Variants in SORCS3 observed in about 807,000 individuals in gnomAD.
SORCS3 encodes the protein VPS10 domain-containing receptor SorCS3.
A neutral mutation model predicts 146.3 loss-of-function variants in SORCS3; 57 were observed. The observed-to-expected ratio is 0.39, with a 90% CI of 0.31 to 0.49. SORCS3 has a LOEUF of 0.49. Ranked by LOEUF, SORCS3 falls within the 20% of genes least tolerant of loss-of-function variation. SORCS3 has a pLI of 0.92. For synonymous variants in SORCS3, 653 were observed against 618.5 expected (o/e 1.06, Z -0.83); for missense variants, 1,341 against 1,575.5 (o/e 0.85, Z 2.52).
chr10:105,161,236 C>T (rs2119509008), intron 11 of SORCS3, among the ~76,000 whole-genome samples: 1 of 152,296 alleles, frequency 6.6e-6, no homozygotes, highest in Admixed American at 6.5e-5. Context: ...AAAGCCAGGG[C>T]TAAGTCACTG....
chr10:105,163,427 A>G (rs1268083818), intron 11 of SORCS3, among the ~76,000 whole-genome samples: 2 of 152,188 alleles, frequency 1.3e-5, no homozygotes, highest in East Asian at 1.9e-4. Flanking sequence ...TCAAGTGCAC[A>G]TCAACATTGG....
intron 1 of SORCS3, among the ~76,000 whole-genome samples, chr10:104,840,154 T>C (rs2018121221): frequency 6.6e-6 from 1 of 152,176 alleles, no homozygotes; most frequent in South Asian, 2.1e-4. Context: ...TCAATTATGC[T>C]TCCTGCAGGT....
chr10:104,781,964 G>A (rs2133492779), intron 1 of SORCS3, among the ~76,000 whole-genome samples: 1 of 152,338 alleles, frequency 6.6e-6, no homozygotes, highest in African/African-American at 2.4e-5. Flanking sequence ...GAGCTTTACA[G>A]CTTTACACAC....
At chr10:104,745,537 G>A (rs1565422) in intron 1 of SORCS3, among the ~76,000 whole-genome samples, 121,532 of 152,122 alleles carry the variant, frequency 0.8, 48,795 homozygotes, top group East Asian at 0.94. Flanking sequence ...GCACCTCCGA[G>A]AGTTTCCTCC....
At chr10:105,043,207 G>A in intron 5 of SORCS3, 79 bp downstream of exon 5, 2 of 1,279,766 alleles carry the variant, frequency 1.6e-6, no homozygotes, top group East Asian at 2.3e-5. Context: ...GCTCTGGACA[G>A]TTGCAGTTCT....
intron 25 of SORCS3, among the ~76,000 whole-genome samples, chr10:105,259,825 A>T (rs2056950659): frequency 6.6e-6 from 1 of 152,172 alleles, no homozygotes; most frequent in Non-Finnish European, 1.5e-5. Flanking sequence ...GGATAAATAG[A>T]TACAAACTGC....
chr10:104,645,132 T>C (rs1263460362), intron 1 of SORCS3, among the ~76,000 whole-genome samples: 1 of 152,156 alleles, frequency 6.6e-6, no homozygotes, highest in Non-Finnish European at 1.5e-5. Context: ...CTCTTGACCA[T>C]GTTGCCTGCC....
chr10:104,642,756 C>T (rs1193335799), intron 1 of SORCS3, among the ~76,000 whole-genome samples: 1 of 152,248 alleles, frequency 6.6e-6, no homozygotes, highest in East Asian at 1.9e-4. Flanking sequence ...AAACGGCTCC[C>T]TGAGCGGAGT....
intron 1 of SORCS3, among the ~76,000 whole-genome samples, chr10:104,648,034 A>G (rs1055197653): frequency 6.6e-6 from 1 of 152,238 alleles, no homozygotes; most frequent in African/African-American, 2.4e-5. Flanking sequence ...TCCTGCCGAC[A>G]TGCTTTGGAT....
intron 5 of SORCS3, among the ~76,000 whole-genome samples, chr10:105,057,774 G>T (rs1274225746): frequency 6.6e-6 from 1 of 152,288 alleles, no homozygotes; most frequent in East Asian, 1.9e-4. Context: ...TCAGTGTATT[G>T]CTTGTCAAAG....
intron 20 of SORCS3, among the ~76,000 whole-genome samples, chr10:105,228,093 T>C (rs2056744747): frequency 6.6e-6 from 1 of 151,660 alleles, no homozygotes; most frequent in Admixed American, 6.6e-5. Flanking sequence ...TTAATTTGCT[T>C]ACTTTCAAAG....
At position 104,646,249 on chromosome 10, in the gene SORCS3, C is replaced by A. The variant is rs550431550; in HGVS notation, c.627+4295C>A. Among the ~76,000 whole-genome samples the A allele has an allele frequency of 9.2e-5, 14 of 152,254 alleles. No individual in the cohort carries two copies. In the South Asian group the frequency reaches 2.9e-3, roughly 32 times the overall value. On this transcript the variant is annotated intron_variant, in intron 1 of 26. Coordinates refer to ENST00000369701, the MANE Select transcript of SORCS3 (RefSeq NM_014978.3). Reference sequence around the variant, plus strand: ...ATCCTTCAGTGATTTCCAAGGTGAGCAGAAGTTGCAGATTCCTTAATTGGG... The same window carrying A: ...ATCCTTCAGTGATTTCCAAGGTGAGAAGAAGTTGCAGATTCCTTAATTGGG...
intron 14 of SORCS3, among the ~76,000 whole-genome samples, chr10:105,185,159 T>C (rs1168317810): frequency 2.0e-5 from 3 of 152,172 alleles, no homozygotes; most frequent in Non-Finnish European, 4.4e-5. Context: ...GTTAAAAAAA[T>C]AAAATAAAAA....
At chr10:105,088,096 T>C (rs922525687) in intron 5 of SORCS3, among the ~76,000 whole-genome samples, 2 of 152,152 alleles carry the variant, frequency 1.3e-5, no homozygotes, top group Non-Finnish European at 2.9e-5. Flanking sequence ...GAGAGTTCAC[T>C]AGGGAAGGAG....
At chr10:104,792,235 C>A (rs1010215223) in intron 1 of SORCS3, among the ~76,000 whole-genome samples, 1 of 152,152 alleles carries the variant, frequency 6.6e-6, no homozygotes, top group African/African-American at 2.4e-5. Flanking sequence ...AGTTATCTGA[C>A]AAACTCCTAC....
intron 3 of SORCS3, among the ~76,000 whole-genome samples, chr10:104,918,182 C>T (rs2019051994): frequency 6.6e-6 from 1 of 152,136 alleles, no homozygotes; most frequent in South Asian, 2.1e-4. Flanking sequence ...ATGCCTATGC[C>T]ACAAAAATTT....
At chr10:105,166,938 C>T (rs771538358) in intron 12 of SORCS3, among the ~76,000 whole-genome samples, 4 of 152,114 alleles carry the variant, frequency 2.6e-5, no homozygotes, top group Non-Finnish European at 2.9e-5. Context: ...GAAGTTTCTT[C>T]AAAGTCATAC....
intron 1 of SORCS3, among the ~76,000 whole-genome samples, chr10:104,656,966 G>A (rs953828190): frequency 1.3e-5 from 2 of 152,164 alleles, no homozygotes; most frequent in Non-Finnish European, 2.9e-5. Context: ...TGGGACCTTT[G>A]CAGTGCCCTC....
intron 17 of SORCS3, among the ~76,000 whole-genome samples, chr10:105,211,565 C>A (rs1045522884): frequency 1.3e-5 from 2 of 152,122 alleles, no homozygotes; most frequent in African/African-American, 4.8e-5. Context: ...GAATTAAATT[C>A]ATACAAGTGA....
Sources: allele counts gnomAD v4.1 joint callset (sites outside exome capture counted in the v4.1 genomes callset), GRCh38; gene constraint gnomAD v4.1.1; transcripts MANE v1.5; gene names NCBI Gene and HGNC (gene_info 2026-07-23, HGNC 2026-07-21).